Variants in NRXN1 observed in about 807,000 individuals in gnomAD.
NRXN1 encodes neurexin-1.
In NRXN1, 39 loss-of-function variants were observed where a neutral mutation model predicts 150.9. The ratio of observed to expected loss-of-function variants is 0.26; its 90% CI spans 0.20 to 0.34. The LOEUF is 0.34. Ranked by LOEUF, NRXN1 falls within the 10% of genes least tolerant of loss-of-function variation. The pLI is 1.00. For missense variants in NRXN1, 1,815 were observed against 1,949.9 expected, an observed-to-expected ratio of 0.93 and a Z score of 1.30; for synonymous variants, 924 against 757.0, an observed-to-expected ratio of 1.22 and a Z score of -3.62.
intron 21 of NRXN1, among the ~76,000 whole-genome samples, chr2:50,048,579 T>C (rs1271872794): frequency 6.6e-6 from 1 of 152,152 alleles, no homozygotes; most frequent in Non-Finnish European, 1.5e-5. Context: ...CATGAGTACC[T>C]CCAAAGCCTC....
intron 5 of NRXN1, among the ~76,000 whole-genome samples, chr2:50,726,965 G>T (rs920078416): frequency 6.6e-6 from 1 of 151,970 alleles, no homozygotes; most frequent in Non-Finnish European, 1.5e-5. Flanking sequence ...AAAGAAATTA[G>T]AATATGGCCA....
chr2:50,954,180 C>T (rs1047368623), intron 2 of NRXN1, among the ~76,000 whole-genome samples: 1 of 152,086 alleles, frequency 6.6e-6, no homozygotes, highest in African/African-American at 2.4e-5. Context: ...AATCTCACTC[C>T]TTATTTTCAT....
intron 5 of NRXN1, among the ~76,000 whole-genome samples, chr2:50,920,233 G>T (rs986161143): frequency 6.6e-6 from 1 of 151,718 alleles, no homozygotes; most frequent in African/African-American, 2.4e-5. Flanking sequence ...AACAAAATCT[G>T]ATGAAAACTG....
At chr2:50,864,290 TAAAAGCTAA>T (rs991514228) in intron 5 of NRXN1, among the ~76,000 whole-genome samples, 3 of 151,992 alleles carry the variant, frequency 2.0e-5, no homozygotes, top group African/African-American at 7.2e-5. Flanking sequence ...CTGATCATCA[TAAAAGCTAA>T]AAAAGCTGTG....
intron 5 of NRXN1, among the ~76,000 whole-genome samples, chr2:50,796,221 TAGAG>T (rs1201653830): frequency 6.6e-6 from 1 of 152,184 alleles, no homozygotes; most frequent in African/African-American, 2.4e-5. Flanking sequence ...CTGCTGGTGA[TAGAG>T]AAAGTAGAAT....
chr2:50,195,834 ATAT>A, intron 18 of NRXN1, among the ~76,000 whole-genome samples: 1 of 152,108 alleles, frequency 6.6e-6, no homozygotes, highest in African/African-American at 2.4e-5. Flanking sequence ...TTAAAATATA[ATAT>A]TATCATAGTT....
At chr2:50,804,902 T>C (rs2105721870) in intron 5 of NRXN1, among the ~76,000 whole-genome samples, 1 of 152,300 alleles carries the variant, frequency 6.6e-6, no homozygotes, top group Non-Finnish European at 1.5e-5. Flanking sequence ...AATTTAAGTC[T>C]TTTGTTTCTT....
At chr2:50,166,280 TGTG>T (rs2059677981) in intron 18 of NRXN1, among the ~76,000 whole-genome samples, 1 of 10,088 alleles carries the variant, frequency 9.9e-5, no homozygotes, top group African/African-American at 4.0e-4. Context: ...ACTCAACGTA[TGTG>T]TGTGTGTGTG....
chr2:49,925,674 T>A (rs769100496), intron 22 of NRXN1, among the ~76,000 whole-genome samples: 1 of 152,170 alleles, frequency 6.6e-6, no homozygotes, highest in Non-Finnish European at 1.5e-5. Flanking sequence ...AAGACATTTT[T>A]AAAAAATTAA....
intron 17 of NRXN1, among the ~76,000 whole-genome samples, chr2:50,243,541 G>A (rs1234923287): frequency 6.6e-6 from 1 of 151,690 alleles, no homozygotes. Context: ...TTCTTGCATT[G>A]GAATTTCATG....
intron 18 of NRXN1, among the ~76,000 whole-genome samples, chr2:50,104,072 G>A (rs2152714452): frequency 6.6e-6 from 1 of 152,014 alleles, no homozygotes; most frequent in South Asian, 2.1e-4. Context: ...GGATAGATTT[G>A]GGCATTGAAT....
rs184476630 is a variant in NRXN1 at position 50,125,078 on chromosome 2, A to C, written c.3547-33584T>G. Reference sequence around the variant, plus strand: ...GAGTAACAACAGAAAATGAGTTCTGACTACTCCTTGAAATAGTAAATTATT... The same window carrying C: ...GAGTAACAACAGAAAATGAGTTCTGCCTACTCCTTGAAATAGTAAATTATT... On this transcript the variant is annotated intron_variant, in intron 18 of 22. Coordinates refer to ENST00000401669, the MANE Select transcript of NRXN1 (RefSeq NM_001330078.2). Among the ~76,000 whole-genome samples the C allele has an allele frequency of 1.3e-4, 19 of 151,728 alleles. 1 individual carries two copies. Among genetic ancestry groups the C allele is most frequent in the African/African-American group, 4.6e-4 (19 of 41,050 alleles).
At chr2:51,006,593 A>G (rs1328284109) in intron 2 of NRXN1, among the ~76,000 whole-genome samples, 1 of 151,940 alleles carries the variant, frequency 6.6e-6, no homozygotes, top group African/African-American at 2.4e-5. Context: ...CTATAGTCTT[A>G]TAATAACCTT....
chr2:50,534,940 C>G (rs2093216365), intron 10 of NRXN1, among the ~76,000 whole-genome samples: 2 of 152,068 alleles, frequency 1.3e-5, no homozygotes, highest in East Asian at 3.9e-4. Flanking sequence ...GAATCATTAG[C>G]CTTTAACATT....
chr2:50,886,338 C>A (rs1163644216), intron 5 of NRXN1, among the ~76,000 whole-genome samples: 1 of 151,406 alleles, frequency 6.6e-6, no homozygotes, highest in South Asian at 2.1e-4. Context: ...ATTGTTCTTT[C>A]TGGAATGCAA....
At position 50,605,464 on chromosome 2, in the gene NRXN1, G is replaced by A. The variant is rs1339103865; in HGVS notation, c.1320+14558C>T. On this transcript the variant is annotated intron_variant, in intron 8 of 22. Coordinates refer to ENST00000401669, the MANE Select transcript of NRXN1 (RefSeq NM_001330078.2). The stretch of plus-strand genomic sequence containing the variant: ...TGACAACAATAACCCAATTAAAAAT[G>A]GGCTACGGACTTGAATAAACATTTC... Among the ~76,000 whole-genome samples the A allele has an allele frequency of 2.0e-5, 3 of 152,066 alleles. No homozygotes were observed. In the East Asian group the frequency reaches 5.8e-4, roughly 29 times the overall value.
intron 5 of NRXN1, among the ~76,000 whole-genome samples, chr2:50,700,101 G>C (rs1468978159): frequency 6.6e-6 from 1 of 152,108 alleles, no homozygotes; most frequent in African/African-American, 2.4e-5. Flanking sequence ...TTTGTCCTTT[G>C]ATAAAGGACT....
chr2:49,926,295 G>T, intron 22 of NRXN1: 1 of 398,326 alleles, frequency 2.5e-6, no homozygotes, highest in South Asian at 1.3e-4. Flanking sequence ...TACCTTAAAG[G>T]ACCACTGAAA....
chr2:50,755,741 T>C (rs1701092337), intron 5 of NRXN1, among the ~76,000 whole-genome samples: 1 of 151,842 alleles, frequency 6.6e-6, no homozygotes, highest in Non-Finnish European at 1.5e-5. Context: ...AAACTAACAA[T>C]AAGAACAACA....
Sources: allele counts gnomAD v4.1 joint callset (sites outside exome capture counted in the v4.1 genomes callset), GRCh38; gene constraint gnomAD v4.1.1; transcripts MANE v1.5; gene names NCBI Gene and HGNC (gene_info 2026-07-23, HGNC 2026-07-21).